The following ZFAND3 variants were observed in gnomAD, a reference collection of about 807,000 sequenced individuals.
The protein encoded by ZFAND3 is zinc finger AN1-type containing 3, also known as AN1-type zinc finger protein 3.
ZFAND3 carries 10 observed loss-of-function variants against 29.6 expected under a neutral mutation model. That is an observed-to-expected ratio of 0.34 (90% confidence interval 0.21 to 0.57). The LOEUF (loss-of-function observed/expected upper bound fraction) is 0.57, where lower values mean the gene tolerates loss of function less well. Ranked by LOEUF, ZFAND3 falls within the 20% of genes least tolerant of loss-of-function variation. ZFAND3 has a pLI of 0.86. For missense variants in ZFAND3, 230 were observed against 304.5 expected (o/e 0.76, Z 1.82); for synonymous variants, 128 against 112.6 (o/e 1.14, Z -0.87).
At chr6:38,010,904 C>CTTTTT (rs35362297) in intron 2 of ZFAND3, among the ~76,000 whole-genome samples, 46 of 131,090 alleles carry the variant, frequency 3.5e-4, no homozygotes, top group African/African-American at 4.2e-4. Context: ...CCCGGCCCAA[C>CTTTTT]TTTTTTTTTT....
chr6:37,843,442 G>A (rs905700166), intron 1 of ZFAND3, among the ~76,000 whole-genome samples: 3 of 151,614 alleles, frequency 2.0e-5, no homozygotes, highest in African/African-American at 4.9e-5. Context: ...AACCGAGATC[G>A]TGCCACTGCA....
rs1412375356 is a variant in ZFAND3, at chr6:38,152,441, C to T, written c.*52C>T. The T allele has an allele frequency of 6.7e-7, 1 of 1,488,560 alleles. No individual in the cohort carries two copies. Among genetic ancestry groups the T allele is most frequent in the Non-Finnish European group, 8.9e-7 (1 of 1,119,528 alleles). The allele number at this position is 1,488,560 out of a possible 1,614,324, so 92.2% of individuals were successfully genotyped here. ...CTGTTCTTAGTTCACTAATGTTAGC[C>T]TTATTTAGGACAAAGTCAGCCAGAC... is the stretch of plus-strand genomic sequence containing the variant. On this transcript the variant is annotated 3_prime_UTR_variant, in exon 6 of 6. Coordinates refer to ENST00000287218, the MANE Select transcript of ZFAND3 (RefSeq NM_021943.3).
chr6:38,009,034 G>A (rs1713156841), intron 2 of ZFAND3, among the ~76,000 whole-genome samples: 1 of 152,172 alleles, frequency 6.6e-6, no homozygotes. Flanking sequence ...AAAATTGGTT[G>A]CCTTGCAGAC....
intron 1 of ZFAND3, among the ~76,000 whole-genome samples, chr6:37,901,089 C>T (rs1272634722): frequency 6.6e-6 from 1 of 151,954 alleles, no homozygotes; most frequent in Non-Finnish European, 1.5e-5. Flanking sequence ...AGATAGGCTA[C>T]TGTGGTGTTA....
intron 2 of ZFAND3, among the ~76,000 whole-genome samples, chr6:38,040,539 A>T (rs1763739785): frequency 6.6e-6 from 1 of 152,188 alleles, no homozygotes; most frequent in South Asian, 2.1e-4. Flanking sequence ...TTTAGTTTTG[A>T]TGTGAAGTAC....
intron 2 of ZFAND3, among the ~76,000 whole-genome samples, chr6:38,012,506 G>A (rs1289893086): frequency 6.6e-6 from 1 of 151,632 alleles, no homozygotes; most frequent in Non-Finnish European, 1.5e-5. Context: ...AGCTTCCCGA[G>A]TAGCTGGGAC....
intron 2 of ZFAND3, among the ~76,000 whole-genome samples, chr6:38,049,954 T>TATTTTTTTTTTTTTA (rs1466452488): frequency 9.3e-5 from 1 of 10,794 alleles, no homozygotes; most frequent in Non-Finnish European, 8.8e-4. Flanking sequence ...AATTTTTTTT[T>TATTTTTTTTTTTTTA]TTTTTTTTTT....
chr6:38,101,912 G>C (rs1004462898), intron 4 of ZFAND3, among the ~76,000 whole-genome samples: 5 of 151,842 alleles, frequency 3.3e-5, no homozygotes, highest in Non-Finnish European at 7.4e-5. Flanking sequence ...TTTAATTTTA[G>C]CATCTACTCA....
chr6:37,824,202 C>A lies in ZFAND3; in HGVS notation c.71+4186C>A, dbSNP rs560637794. On this transcript the variant is annotated intron_variant, in intron 1 of 5. Coordinates refer to ENST00000287218, the MANE Select transcript of ZFAND3 (RefSeq NM_021943.3). ...AGGCATTTAGTACTCAGGCAAAAAA[C>A]GTATTTGTTGATAATTGTTGTATCT... 6.6e-5 allele frequency among the ~76,000 whole-genome samples: 10 copies of A among 152,254 alleles called. No homozygotes were observed. The South Asian group carries it at 2.1e-3, about 32-fold the overall frequency.
chr6:38,118,851 T>A (rs1765472612), intron 5 of ZFAND3, among the ~76,000 whole-genome samples: 1 of 152,190 alleles, frequency 6.6e-6, no homozygotes, highest in Non-Finnish European at 1.5e-5. Flanking sequence ...AAATATAGAT[T>A]ACTCTGCCAT....
At chr6:37,866,370 TTATA>T (rs1764591404) in intron 1 of ZFAND3, among the ~76,000 whole-genome samples, 1 of 152,216 alleles carries the variant, frequency 6.6e-6, no homozygotes, top group Non-Finnish European at 1.5e-5. Flanking sequence ...CCCAATGTTG[TTATA>T]TGATGTGGTA....
At chr6:37,887,631 C>T (rs1348759105) in intron 1 of ZFAND3, among the ~76,000 whole-genome samples, 1 of 152,080 alleles carries the variant, frequency 6.6e-6, no homozygotes, top group Non-Finnish European at 1.5e-5. Flanking sequence ...GATTGGGGAA[C>T]TTTGGTTTGG....
chr6:37,933,376 G>C (rs1761634288), intron 2 of ZFAND3, among the ~76,000 whole-genome samples: 1 of 152,130 alleles, frequency 6.6e-6, no homozygotes, highest in Non-Finnish European at 1.5e-5. Flanking sequence ...TTAGGAACTA[G>C]GGGTGTGTGT....
rs1359724015 is a variant in ZFAND3, at chr6:37,896,512, T to TC, written c.72-33446dup. On this transcript the variant is annotated intron_variant, in intron 1 of 5. Coordinates refer to ENST00000287218, the MANE Select transcript of ZFAND3 (RefSeq NM_021943.3). ...CTGGTGTCTTAATTTTTTTCCTCTT[T>TC]CTTTTCTTTCTTTCTTTCTTTCTTT... is the stretch of plus-strand genomic sequence containing the variant. Among the ~76,000 whole-genome samples, 12 of 150,510 alleles carry TC rather than the reference T, an allele frequency of 8.0e-5. No homozygotes were observed. The South Asian group carries it at 8.5e-4, about 11-fold the overall frequency.
At chr6:38,005,559 C>T (rs1763033882) in intron 2 of ZFAND3, among the ~76,000 whole-genome samples, 1 of 152,166 alleles carries the variant, frequency 6.6e-6, no homozygotes, top group African/African-American at 2.4e-5. Flanking sequence ...CTATCCTTCC[C>T]TCTCTGTTTT....
chr6:37,992,640 T>C (rs1188257687), intron 2 of ZFAND3, among the ~76,000 whole-genome samples: 1 of 152,172 alleles, frequency 6.6e-6, no homozygotes, highest in Non-Finnish European at 1.5e-5. Context: ...TTAAGAAATA[T>C]ACCTAAGAAA....
intron 5 of ZFAND3, among the ~76,000 whole-genome samples, chr6:38,126,638 C>T (rs1166301100): frequency 6.6e-6 from 1 of 152,040 alleles, no homozygotes; most frequent in Non-Finnish European, 1.5e-5. Context: ...TTGTATTTCC[C>T]TAATGACCAA....
intron 1 of ZFAND3, among the ~76,000 whole-genome samples, chr6:37,914,682 T>A (rs1761205100): frequency 1.4e-5 from 2 of 147,800 alleles, no homozygotes; most frequent in East Asian, 1.9e-4. Flanking sequence ...CTTTTTTTTT[T>A]AGTGGAGACG....
chr6:38,056,502 A>G (rs530105964), intron 2 of ZFAND3, among the ~76,000 whole-genome samples: 5 of 152,360 alleles, frequency 3.3e-5, no homozygotes, highest in South Asian at 4.1e-4. Flanking sequence ...AAGATAAACA[A>G]TGGGGCATGT....
Sources: allele counts gnomAD v4.1 joint callset (sites outside exome capture counted in the v4.1 genomes callset), GRCh38; gene constraint gnomAD v4.1.1; transcripts MANE v1.5; gene names NCBI Gene and HGNC (gene_info 2026-07-23, HGNC 2026-07-21).